The following KMT5A variants were observed in gnomAD, a reference collection of about 807,000 sequenced individuals.
KMT5A encodes N-lysine methyltransferase KMT5A.
In KMT5A, 6 loss-of-function variants were observed where a neutral mutation model predicts 40.6. The observed-to-expected ratio is 0.15, with a 90% confidence interval of 0.08 to 0.29. KMT5A has a LOEUF of 0.29. Ranked by LOEUF, KMT5A falls within the 10% of genes least tolerant of loss-of-function variation. KMT5A has a pLI of 1.00. For synonymous variants in KMT5A, 153 were observed against 178.8 expected, an observed-to-expected ratio of 0.86 and a Z score of 1.15; for missense variants, 308 against 459.1, an observed-to-expected ratio of 0.67 and a Z score of 3.01.
rs1204339377 is a variant in KMT5A, at chr12:123,389,482, G to A, written c.60G>A (p.Ala20=). Reference sequence around the variant, plus strand: ...CGGTGGAGGCGGCGGCGGCGGCGGCGGCGGTGGCAGCGACGGCCCCGGGCC... The same window carrying A: ...CGGTGGAGGCGGCGGCGGCGGCGGCAGCGGTGGCAGCGACGGCCCCGGGCC... ...PRAVEAAAAA[A]AVAATAPGPE... Residue 20 remains alanine, a synonymous_variant, in exon 2 of 8, where the codon GCG becomes GCA. Transcript: ENST00000402868. 8.9e-7 allele frequency: 1 copy of A among 1,124,056 alleles called. No individual in the cohort carries two copies. Among genetic ancestry groups the A allele is most frequent in the Non-Finnish European group, 1.1e-6 (1 of 923,978 alleles). 69.6% of individuals were successfully genotyped at this position (1,124,056 alleles called of 1,614,324 possible).
chr12:123,401,461 C>T (rs919893098), intron 5 of KMT5A, among the ~76,000 whole-genome samples: 4 of 151,552 alleles, frequency 2.6e-5, no homozygotes, highest in African/African-American at 9.7e-5. Flanking sequence ...CCTTCTTGAC[C>T]CTTATCTTTC....
At position 123,395,816 on chromosome 12, in the gene KMT5A, G is replaced by C. The variant is rs567951661; in HGVS notation, c.510-529G>C. Among the ~76,000 whole-genome samples the C allele has an allele frequency of 2.0e-5, 3 of 152,142 alleles. No homozygotes were observed. In the South Asian group the frequency reaches 6.2e-4, roughly 32 times the overall value. On this transcript the variant is annotated intron_variant, in intron 4 of 7. Transcript: ENST00000402868. Reference sequence around the variant, plus strand: ...CTGACCTCGTGATCTGCCTGCCTCAGCCTCCCAAAGTCCTGGGATTACAGG... The same window carrying C: ...CTGACCTCGTGATCTGCCTGCCTCACCCTCCCAAAGTCCTGGGATTACAGG...
intron 1 of KMT5A, among the ~76,000 whole-genome samples, chr12:123,385,988 C>T (rs1876851512): frequency 6.6e-6 from 1 of 152,046 alleles, no homozygotes; most frequent in East Asian, 1.9e-4. Context: ...ACTTGCTGTC[C>T]AGACTCTAGC....
chr12:123,406,593 C>A (rs1878572383), intron 7 of KMT5A, among the ~76,000 whole-genome samples: 1 of 152,144 alleles, frequency 6.6e-6, no homozygotes, highest in South Asian at 2.1e-4. Flanking sequence ...GGATTACAGG[C>A]GTGAGCCACC....
chr12:123,388,111 G>A (rs1368857298), intron 1 of KMT5A, among the ~76,000 whole-genome samples: 1 of 152,236 alleles, frequency 6.6e-6, no homozygotes, highest in Non-Finnish European at 1.5e-5. Context: ...AACCTCGTCT[G>A]CCTATGGGGG....
intron 6 of KMT5A, 108 bp from the exon 7 acceptor site, chr12:123,404,776 C>T: frequency 1.9e-6 from 2 of 1,044,640 alleles, no homozygotes; most frequent in African/African-American, 1.6e-5. Context: ...TGACATGGCT[C>T]AGTACAGCTG....
At chr12:123,392,936 G>A (rs1315134433) in intron 3 of KMT5A, among the ~76,000 whole-genome samples, 3 of 152,262 alleles carry the variant, frequency 2.0e-5, no homozygotes, top group African/African-American at 7.2e-5. Flanking sequence ...GAGTGCAGTG[G>A]TGCAATCTCG....
At chr12:123,405,612 C>A (rs1359252390) in intron 7 of KMT5A, among the ~76,000 whole-genome samples, 1 of 145,326 alleles carries the variant, frequency 6.9e-6, no homozygotes, top group African/African-American at 2.6e-5. Flanking sequence ...CTCCACCTCC[C>A]GGGTTCAAGG....
intron 5 of KMT5A, among the ~76,000 whole-genome samples, chr12:123,396,903 A>G (rs1436177147): frequency 6.6e-6 from 1 of 152,172 alleles, no homozygotes; most frequent in African/African-American, 2.4e-5. Flanking sequence ...TACCCTGTCC[A>G]TGCCTTGGCT....
At chr12:123,398,345 C>T (rs923075324) in intron 5 of KMT5A, among the ~76,000 whole-genome samples, 19 of 152,026 alleles carry the variant, frequency 1.2e-4, no homozygotes, top group Non-Finnish European at 2.6e-4. Flanking sequence ...TCCCAGACAC[C>T]TCCCAGCCAG....
chr12:123,401,654 C>T (rs1878189845), intron 5 of KMT5A, among the ~76,000 whole-genome samples: 1 of 150,600 alleles, frequency 6.6e-6, no homozygotes, highest in African/African-American at 2.4e-5. Context: ...CGATCTTGGC[C>T]TACTGCAAAC....
At chr12:123,398,255 T>G (rs1364519423) in intron 5 of KMT5A, among the ~76,000 whole-genome samples, 2 of 151,518 alleles carry the variant, frequency 1.3e-5, no homozygotes, top group African/African-American at 4.8e-5. Flanking sequence ...GCACTCCATC[T>G]TGGGTGGCTG....
chr12:123,395,794 A>C (rs1209604847), intron 4 of KMT5A, among the ~76,000 whole-genome samples: 12 of 150,436 alleles, frequency 8.0e-5, no homozygotes, highest in Admixed American at 3.3e-4. Context: ...CAAACTCCTG[A>C]CCTCGTGATC....
In KMT5A at chr12:123,390,925, C is replaced by G. The variant is rs1877270666; in HGVS notation, c.289+139C>G. 4 of 1,036,574 alleles carry G rather than the reference C, an allele frequency of 3.9e-6. No homozygotes were observed. The South Asian group carries it at 6.6e-5, about 17-fold the overall frequency. 64.2% of individuals were successfully genotyped at this position (1,036,574 alleles called of 1,614,324 possible). On this transcript the variant is annotated intron_variant, in intron 3 of 7. Transcript: ENST00000402868. Reference sequence around the variant, plus strand: ...GAGGTTTGAGCCATGTTCTGTCTTGCTGCTGAAAGAATGGCTTGTCCCAGG... The same window carrying G: ...GAGGTTTGAGCCATGTTCTGTCTTGGTGCTGAAAGAATGGCTTGTCCCAGG...
At chr12:123,395,580 T>G (rs1047055741) in intron 4 of KMT5A, among the ~76,000 whole-genome samples, 4 of 151,794 alleles carry the variant, frequency 2.6e-5, no homozygotes, top group African/African-American at 7.3e-5. Flanking sequence ...TTTTTTTTTT[T>G]TTTTTGAGAC....
chr12:123,405,666 G>A (rs531386464), intron 7 of KMT5A, among the ~76,000 whole-genome samples: 11 of 150,734 alleles, frequency 7.3e-5, no homozygotes, highest in South Asian at 4.2e-4. Flanking sequence ...ACAGGTGTGC[G>A]TCACCACGCC....
In KMT5A at chr12:123,408,001, G is replaced by C. The variant is rs1467285462; in HGVS notation, c.*298G>C. 2.4e-5 allele frequency: 8 copies of C among 336,190 alleles called. No individual in the cohort carries two copies. The highest frequency in any genetic ancestry group is 9.7e-4 in the Middle Eastern group (1 of 1,036). The allele number at this position is 336,190 out of a possible 1,614,324, so 20.8% of individuals were successfully genotyped here. On this transcript the variant is annotated 3_prime_UTR_variant, in exon 8 of 8. Transcript: ENST00000402868. ...TCCCGTGCATGCAGTCAAAGACTCAGCACAGGTTTTAGAGGAAATAGTCAA... is the reference window on the plus strand; with the variant it reads ...TCCCGTGCATGCAGTCAAAGACTCACCACAGGTTTTAGAGGAAATAGTCAA...
intron 5 of KMT5A, among the ~76,000 whole-genome samples, chr12:123,396,948 C>T (rs969034984): frequency 3.9e-5 from 6 of 152,212 alleles, no homozygotes; most frequent in African/African-American, 1.2e-4. Flanking sequence ...AATGTAGTAC[C>T]TGCTAGAGCT....
In KMT5A at chr12:123,386,222, T is replaced by G. The variant is rs1173254180; in HGVS notation, c.10+2014T>G. On this transcript the variant is annotated intron_variant, in intron 1 of 7. Coordinates refer to ENST00000402868, the MANE Select transcript of KMT5A (RefSeq NM_020382.7). Reference sequence around the variant, plus strand: ...TATTTAGATTTAGATTTTTTTTTTTTTTTTTTTTTTTGAGACAGAGTCTCT... The same window carrying G: ...TATTTAGATTTAGATTTTTTTTTTTGTTTTTTTTTTTGAGACAGAGTCTCT... 3.4e-5 allele frequency among the ~76,000 whole-genome samples: 5 copies of G among 147,332 alleles called. 1 individual carries two copies. The East Asian group carries it at 9.9e-4, about 29-fold the overall frequency.
Sources: allele counts gnomAD v4.1 joint callset (sites outside exome capture counted in the v4.1 genomes callset), GRCh38; gene constraint gnomAD v4.1.1; transcripts MANE v1.5; gene names NCBI Gene and HGNC (gene_info 2026-07-23, HGNC 2026-07-21).